LIFR: variants seen among roughly 807,000 people sequenced by gnomAD.
LIFR encodes LIF receptor subunit alpha, also known as leukemia inhibitory factor receptor.
A neutral mutation model predicts 122.2 loss-of-function variants in LIFR; 84 were observed. The observed-to-expected ratio is 0.69, with a 90% confidence interval of 0.58 to 0.82. The LOEUF (loss-of-function observed/expected upper bound fraction) is 0.82, where lower values mean the gene tolerates loss of function less well. Ranked by LOEUF, LIFR falls within the 40% of genes least tolerant of loss-of-function variation. The probability of loss-of-function intolerance (pLI) is 0.00; values close to 1 mark genes in which losing one functional copy is unlikely to be tolerated. For missense variants in LIFR, 1,294 were observed against 1,311.6 expected, an observed-to-expected ratio of 0.99 and a Z score of 0.21; for synonymous variants, 422 against 434.7, an observed-to-expected ratio of 0.97 and a Z score of 0.36.
intron 1 of LIFR, among the ~76,000 whole-genome samples, chr5:38,538,872 G>C (rs1747430094): frequency 1.3e-5 from 2 of 152,196 alleles, no homozygotes; most frequent in Admixed American, 6.5e-5. Flanking sequence ...CAACAGCTCA[G>C]ACAACCGTCC....
chr5:38,555,130 A>C (rs1748446981), intron 1 of LIFR: 1 of 152,246 alleles, frequency 6.6e-6, no homozygotes, highest in African/African-American at 2.4e-5. Context: ...TTTCCAAATG[A>C]ACAGTTGCCC....
At chr5:38,588,330 T>C (rs1467624002) in intron 1 of LIFR, among the ~76,000 whole-genome samples, 2 of 152,026 alleles carry the variant, frequency 1.3e-5, no homozygotes, top group Admixed American at 6.6e-5. Context: ...AGGTGCTCAG[T>C]CTGAAAAGGA....
At chr5:38,562,007 C>T (rs534826558) in intron 1 of LIFR, among the ~76,000 whole-genome samples, 72 of 152,268 alleles carry the variant, frequency 4.7e-4, no homozygotes, top group African/African-American at 1.7e-3. Context: ...GCTGTTAAAG[C>T]CAACTCCCTG....
At chr5:38,564,664 C>T (rs1355376469) in intron 1 of LIFR, among the ~76,000 whole-genome samples, 3 of 150,512 alleles carry the variant, frequency 2.0e-5, no homozygotes, top group Admixed American at 6.7e-5. Flanking sequence ...TTTTTGTCTC[C>T]ATTGGATTTA....
At chr5:38,540,609 G>A (rs960915483) in intron 1 of LIFR, among the ~76,000 whole-genome samples, 6 of 152,108 alleles carry the variant, frequency 3.9e-5, no homozygotes, top group Admixed American at 2.0e-4. Flanking sequence ...GCAGCCCCTC[G>A]CCAGCTCCTT....
In LIFR at chr5:38,477,165, G is replaced by A. The variant is rs1273950674; in HGVS notation, c.*4430C>T. Reference sequence around the variant, plus strand: ...ATAATTAATAGCACTAATTGAAAAGGAATAAAAAAATCTAACCACCATAGC... The same window carrying A: ...ATAATTAATAGCACTAATTGAAAAGAAATAAAAAAATCTAACCACCATAGC... On this transcript the variant is annotated 3_prime_UTR_variant, in exon 20 of 20. Coordinates refer to ENST00000453190, the MANE Select transcript of LIFR (RefSeq NM_001127671.2). The A allele has an allele frequency of 4.5e-6, 1 of 220,026 alleles. No homozygotes were observed. The highest frequency in any genetic ancestry group is 2.2e-5 in the African/African-American group (1 of 44,652). 13.6% of individuals were successfully genotyped at this position (220,026 alleles called of 1,614,324 possible). A position where few individuals can be genotyped will look rare whatever the true frequency, so the allele number is the denominator to read the frequency against.
chr5:38,535,722 C>A (rs534260359), intron 1 of LIFR, among the ~76,000 whole-genome samples: 1 of 152,266 alleles, frequency 6.6e-6, no homozygotes, highest in African/African-American at 2.4e-5. Context: ...CAGTACCTGG[C>A]ACAAAGCAGA....
intron 1 of LIFR, among the ~76,000 whole-genome samples, chr5:38,566,130 T>C (rs966890348): frequency 5.3e-5 from 8 of 152,238 alleles, no homozygotes; most frequent in Admixed American, 3.3e-4. Context: ...CTTTCATTTT[T>C]TCTTCCTATC....
intron 16 of LIFR, among the ~76,000 whole-genome samples, chr5:38,488,806 T>C (rs974231701): frequency 1.3e-5 from 2 of 152,232 alleles, no homozygotes; most frequent in Admixed American, 1.3e-4. Flanking sequence ...TGTACAGCTC[T>C]AATAAGAGAT....
chr5:38,490,202 T>A lies in LIFR; in HGVS notation c.2155A>T (p.Ile719Leu), dbSNP rs1337754166. 6.6e-7 allele frequency: 1 copy of A among 1,507,680 alleles called. No individual in the cohort carries two copies. Among genetic ancestry groups the A allele is most frequent in the African/African-American group, 1.4e-5 (1 of 72,580 alleles). The allele number at this position is 1,507,680 out of a possible 1,614,324, so 93.4% of individuals were successfully genotyped here. ...YQLLRSMIGY[I>L]EELAPIVAPN... ...CCATTTAACTTACCCAATTCTTCTA[T>A]ATATCCAATCATGGAGCGTAATAAT... is the stretch of plus-strand genomic sequence containing the variant. The change falls in exon 15 of 20, where the codon ATA (isoleucine) becomes TTA (leucine). Residue 719 changes from isoleucine to leucine, a missense_variant. Physicochemically the swap from Ile to Leu is conservative, Grantham distance 5. Coordinates refer to ENST00000453190, the MANE Select transcript of LIFR (RefSeq NM_001127671.2).
chr5:38,601,951 C>A (rs1026673205), intron 2 of LIFR, among the ~76,000 whole-genome samples: 26 of 152,186 alleles, frequency 1.7e-4, no homozygotes, highest in African/African-American at 6.3e-4. Flanking sequence ...AATGTCCATC[C>A]AAGCTAGAAA....
chr5:38,583,949 G>A (rs1388190807), intron 1 of LIFR, among the ~76,000 whole-genome samples: 1 of 152,032 alleles, frequency 6.6e-6, no homozygotes, highest in Non-Finnish European at 1.5e-5. Context: ...TGCCATGTAA[G>A]ATGTAACTTT....
At chr5:38,527,519 A>G (rs549283508) in intron 3 of LIFR, among the ~76,000 whole-genome samples, 1 of 152,338 alleles carries the variant, frequency 6.6e-6, no homozygotes, top group Admixed American at 6.5e-5. Flanking sequence ...GAATAAGCAT[A>G]GATGACTCCA....
rs117863405 is a variant in LIFR at position 38,538,727 on chromosome 5, G to A, written c.-19-8061C>T. Among the ~76,000 whole-genome samples, 93 of 152,250 alleles carry A rather than the reference G, an allele frequency of 6.1e-4. 2 individuals carry two copies. The South Asian group carries it at 0.01, about 17-fold the overall frequency. ...AGGCCCTCCTCACTCTCTGGCATAC[G>A]TAATTTACAACCCTCTGGCAAGGGC... On this transcript the variant is annotated intron_variant, in intron 1 of 19. Coordinates refer to ENST00000453190, the MANE Select transcript of LIFR (RefSeq NM_001127671.2).
intron 16 of LIFR, 69 bp downstream of exon 16, chr5:38,489,009 C>A (rs1312604247): frequency 7.3e-7 from 1 of 1,363,312 alleles, no homozygotes; most frequent in Non-Finnish European, 1.0e-6. Context: ...CAGGACTTTC[C>A]TTTTTTTTCT....
chr5:38,564,685 T>C (rs1348510099), intron 1 of LIFR, among the ~76,000 whole-genome samples: 1 of 151,712 alleles, frequency 6.6e-6, no homozygotes, highest in Non-Finnish European at 1.5e-5. Context: ...GAGAGTGTTA[T>C]ACATATGCAT....
intron 1 of LIFR, among the ~76,000 whole-genome samples, chr5:38,554,801 T>C (rs945608485): frequency 3.9e-5 from 6 of 152,230 alleles, no homozygotes; most frequent in Admixed American, 3.3e-4. Context: ...TCTTCTCCAG[T>C]GTGAATAGAT....
intron 4 of LIFR, among the ~76,000 whole-genome samples, chr5:38,524,654 T>C (rs754660994): frequency 9.9e-5 from 15 of 152,122 alleles, no homozygotes; most frequent in Non-Finnish European, 1.9e-4. Context: ...AGCCTGGCTA[T>C]GGATGAGTAA....
chr5:38,535,177 C>T (rs1013263732), intron 1 of LIFR, among the ~76,000 whole-genome samples: 3 of 152,256 alleles, frequency 2.0e-5, no homozygotes, highest in African/African-American at 4.8e-5. Flanking sequence ...GCTGTGTGTC[C>T]GGGCCACACT....
Sources: gnomAD v4.1 joint callset for allele counts (sites outside exome capture counted in the v4.1 genomes callset) on GRCh38, gnomAD v4.1.1 for gene constraint, MANE v1.5 for transcripts, NCBI Gene and HGNC (gene_info 2026-07-23, HGNC 2026-07-21) for gene names.